Variants in MDGA2 observed in about 807,000 individuals in gnomAD.
MDGA2 encodes MAM domain-containing glycosylphosphatidylinositol anchor protein 2.
In MDGA2, 40 loss-of-function variants were observed where a neutral mutation model predicts 117.8. That is an observed-to-expected ratio of 0.34 (90% CI 0.26 to 0.44). The LOEUF (loss-of-function observed/expected upper bound fraction) is 0.44, where lower values mean the gene tolerates loss of function less well. Among genes scored for constraint, MDGA2 ranks in the 20% least tolerant of loss-of-function variants. MDGA2 has a pLI of 1.00. For synonymous variants in MDGA2, 452 were observed against 439.0 expected (o/e 1.03, Z -0.37); for missense variants, 1,123 against 1,250.6 (o/e 0.90, Z 1.54).
At chr14:47,168,616 A>G (rs1270123832) in intron 3 of MDGA2, among the ~76,000 whole-genome samples, 1 of 152,148 alleles carries the variant, frequency 6.6e-6, no homozygotes, top group African/African-American at 2.4e-5. Flanking sequence ...AATCTAGAGC[A>G]GTTACATGGC....
chr14:47,233,791 A>C (rs1412007870), intron 2 of MDGA2, among the ~76,000 whole-genome samples: 1 of 152,156 alleles, frequency 6.6e-6, no homozygotes, highest in Non-Finnish European at 1.5e-5. Flanking sequence ...ATTCAAACCT[A>C]CATTTAGACA....
chr14:47,273,043 G>A (rs189146656), intron 2 of MDGA2, among the ~76,000 whole-genome samples: 77 of 152,086 alleles, frequency 5.1e-4, no homozygotes, highest in East Asian at 2.3e-3. Context: ...CGCTGGCCAC[G>A]GGTTGGATCT....
intron 1 of MDGA2, among the ~76,000 whole-genome samples, chr14:47,365,187 G>A (rs1437936460): frequency 6.6e-6 from 1 of 152,184 alleles, no homozygotes; most frequent in Non-Finnish European, 1.5e-5. Flanking sequence ...TATTATTTCT[G>A]AAAGACTTAA....
At chr14:47,107,551 A>G (rs1290135920) in intron 5 of MDGA2, among the ~76,000 whole-genome samples, 3 of 151,924 alleles carry the variant, frequency 2.0e-5, no homozygotes, top group Admixed American at 6.6e-5. Flanking sequence ...ACTGCCGCAA[A>G]GCTTCACAGA....
At chr14:46,964,272 T>C (rs552199689) in intron 8 of MDGA2, among the ~76,000 whole-genome samples, 7 of 152,198 alleles carry the variant, frequency 4.6e-5, no homozygotes, top group African/African-American at 1.4e-4. Flanking sequence ...AGATCAGCTA[T>C]CCACTGTTAG....
chr14:47,186,291 T>C (rs1468465508), intron 3 of MDGA2, among the ~76,000 whole-genome samples: 1 of 151,778 alleles, frequency 6.6e-6, no homozygotes, highest in Non-Finnish European at 1.5e-5. Flanking sequence ...AAGATTATTT[T>C]ATGGAATTTG....
intron 1 of MDGA2, among the ~76,000 whole-genome samples, chr14:47,540,009 T>C (rs1895305470): frequency 6.6e-6 from 1 of 151,994 alleles, no homozygotes; most frequent in African/African-American, 2.4e-5. Flanking sequence ...GATCATCCAC[T>C]CATTTTCTTT....
chr14:47,170,951 A>C (rs1213535466), intron 3 of MDGA2, among the ~76,000 whole-genome samples: 1 of 152,164 alleles, frequency 6.6e-6, no homozygotes, highest in Non-Finnish European at 1.5e-5. Context: ...TGGTTTATAG[A>C]GCATCTTCTC....
At chr14:47,505,940 T>A (rs1894502237) in intron 1 of MDGA2, among the ~76,000 whole-genome samples, 1 of 152,160 alleles carries the variant, frequency 6.6e-6, no homozygotes, top group South Asian at 2.1e-4. Flanking sequence ...AAGCACATTC[T>A]TCACAGTGAA....
At chr14:47,624,407 G>A (rs1897104452) in intron 1 of MDGA2, among the ~76,000 whole-genome samples, 1 of 152,236 alleles carries the variant, frequency 6.6e-6, no homozygotes, top group South Asian at 2.1e-4. Flanking sequence ...GCAGCGAGCT[G>A]AGATCACAGC....
intron 6 of MDGA2, among the ~76,000 whole-genome samples, chr14:47,085,259 T>C (rs915988747): frequency 6.6e-6 from 1 of 151,988 alleles, no homozygotes; most frequent in Non-Finnish European, 1.5e-5. Context: ...GAAAAATAAT[T>C]AGCATTTGAA....
intron 1 of MDGA2, among the ~76,000 whole-genome samples, chr14:47,508,588 T>C (rs1283798035): frequency 6.6e-6 from 1 of 152,172 alleles, no homozygotes; most frequent in Admixed American, 6.5e-5. Flanking sequence ...AGTGGGTAGC[T>C]TAGATATCCT....
chr14:47,277,123 T>C (rs78837181), intron 2 of MDGA2, among the ~76,000 whole-genome samples: 3,702 of 152,254 alleles, frequency 0.024, 150 homozygotes, highest in African/African-American at 0.083. Context: ...ATTCTCTCAG[T>C]GCCTTTGCCT....
intron 1 of MDGA2, among the ~76,000 whole-genome samples, chr14:47,645,481 G>A (rs947127816): frequency 3.3e-5 from 5 of 151,414 alleles, no homozygotes; most frequent in East Asian, 2.0e-4. Context: ...AGATCCGCCC[G>A]CCTCGTCCTC....
At chr14:47,671,911 A>C (rs1898082534) in intron 1 of MDGA2, among the ~76,000 whole-genome samples, 1 of 152,218 alleles carries the variant, frequency 6.6e-6, no homozygotes, top group Admixed American at 6.5e-5. Context: ...AGGTTAAGAA[A>C]GTTCATGACT....
In MDGA2 at chr14:46,981,424, A is replaced by G. The variant is rs539284511; in HGVS notation, c.1820-23781T>C. The stretch of plus-strand genomic sequence containing the variant: ...ATCTCCAAGAAAAAAAAAAGTCTGT[A>G]CTAGGATATAAAATATAAATTTATG... On this transcript the variant is annotated intron_variant, in intron 8 of 16. Transcript: ENST00000399232. Among the ~76,000 whole-genome samples the G allele has an allele frequency of 3.8e-3, 581 of 152,260 alleles. 7 individuals are homozygous for G. Among genetic ancestry groups the G allele is most frequent in the African/African-American group, 0.014 (569 of 41,536 alleles).
At chr14:46,936,035 G>A (rs1395935653) in intron 9 of MDGA2, among the ~76,000 whole-genome samples, 3 of 152,028 alleles carry the variant, frequency 2.0e-5, no homozygotes, top group African/African-American at 7.2e-5. Context: ...TGGGATTGTA[G>A]ATCCTATTTA....
intron 8 of MDGA2, among the ~76,000 whole-genome samples, chr14:46,982,843 G>A (rs1886733310): frequency 6.6e-6 from 1 of 150,806 alleles, no homozygotes; most frequent in Non-Finnish European, 1.5e-5. Context: ...CCAACACTAT[G>A]TTGAATAGGA....
chr14:47,462,445 C>T (rs1893510849), intron 1 of MDGA2, among the ~76,000 whole-genome samples: 1 of 151,632 alleles, frequency 6.6e-6, no homozygotes, highest in East Asian at 1.9e-4. Context: ...TAGGTGAAGC[C>T]CACAAAGGTT....
Sources: gnomAD v4.1 joint callset for allele counts (sites outside exome capture counted in the v4.1 genomes callset) on GRCh38, gnomAD v4.1.1 for gene constraint, MANE v1.5 for transcripts, NCBI Gene and HGNC (gene_info 2026-07-23, HGNC 2026-07-21) for gene names.